RXFP1: variants seen among roughly 807,000 people sequenced by gnomAD.
RXFP1 encodes the protein relaxin receptor 1.
Under a neutral mutation model 89.8 loss-of-function variants are expected in RXFP1, and 73 were observed. The observed-to-expected ratio is 0.81, with a 90% CI of 0.67 to 0.99. RXFP1 has a LOEUF of 0.99. Among genes scored for constraint, RXFP1 ranks in the 50% least tolerant of loss-of-function variants. The pLI, the probability that RXFP1 is intolerant of heterozygous loss-of-function variation, is 0.00. For missense variants in RXFP1, 793 were observed against 895.5 expected (o/e 0.89, Z 1.46); for synonymous variants, 277 against 305.5 (o/e 0.91, Z 0.97).
intron 1 of RXFP1, among the ~76,000 whole-genome samples, chr4:158,530,199 T>G (rs1743683083): frequency 6.6e-6 from 1 of 152,232 alleles, no homozygotes; most frequent in Admixed American, 6.5e-5. Context: ...TATGCGTGTG[T>G]GCCTGGACCT....
At chr4:158,563,311 G>A (rs567979141) in intron 1 of RXFP1, among the ~76,000 whole-genome samples, 61 of 152,206 alleles carry the variant, frequency 4.0e-4, no homozygotes, top group Non-Finnish European at 6.2e-4. Context: ...TTCTGAGTGG[G>A]TCCCCACACC....
chr4:158,580,509 C>T (rs924227190), intron 2 of RXFP1, among the ~76,000 whole-genome samples: 9 of 152,120 alleles, frequency 5.9e-5, no homozygotes, highest in Admixed American at 1.3e-4. Flanking sequence ...CAGAAAGTTG[C>T]GGCAACAAAC....
At chr4:158,551,402 TA>T (rs1390522639) in intron 1 of RXFP1, among the ~76,000 whole-genome samples, 1 of 152,118 alleles carries the variant, frequency 6.6e-6, no homozygotes, top group East Asian at 1.9e-4. Context: ...AAATAAGAAT[TA>T]AAAAATCAGT....
rs774326933 is a variant in RXFP1, at chr4:158,646,468, C to T, written c.1346-323C>T. ...CCTAACTGAATGCTCTACGTGATTG[C>T]ATTTTGTTCATTTATTCGACACTTC... is the stretch of plus-strand genomic sequence containing the variant. On this transcript the variant is annotated intron_variant, in intron 15 of 17. Transcript: ENST00000307765. 15 of 1,233,986 alleles carry T rather than the reference C, an allele frequency of 1.2e-5. No individual in the cohort carries two copies. In the Admixed American group the frequency reaches 3.0e-4, roughly 25 times the overall value. The allele number at this position is 1,233,986 out of a possible 1,614,324, so 76.4% of individuals were successfully genotyped here.
intron 1 of RXFP1, among the ~76,000 whole-genome samples, chr4:158,550,720 T>A (rs1401414634): frequency 1.3e-5 from 2 of 152,128 alleles, no homozygotes; most frequent in Middle Eastern, 3.2e-3. Flanking sequence ...CATAAGCTAG[T>A]CTATATGGGG....
intron 1 of RXFP1, among the ~76,000 whole-genome samples, chr4:158,541,043 T>C (rs1358232212): frequency 1.3e-5 from 2 of 152,154 alleles, no homozygotes; most frequent in Non-Finnish European, 2.9e-5. Flanking sequence ...TTTTCTGTAG[T>C]CTGTAGACAG....
rs182394102 is a variant in RXFP1 at position 158,571,563 on chromosome 4, G to A, written c.50-1135G>A. ...TGTAATCTCAGCTACTCAGGAGGCTGAGGCAGAAGAATCACTTGAACCTGG... is the reference window on the plus strand; with the variant it reads ...TGTAATCTCAGCTACTCAGGAGGCTAAGGCAGAAGAATCACTTGAACCTGG... On this transcript the variant is annotated intron_variant, in intron 1 of 17. Coordinates refer to ENST00000307765, the MANE Select transcript of RXFP1 (RefSeq NM_021634.4). 2.6e-5 allele frequency among the ~76,000 whole-genome samples: 4 copies of A among 152,278 alleles called. No homozygotes were observed. The East Asian group carries it at 7.7e-4, about 29-fold the overall frequency.
chr4:158,542,079 C>CTATATATATATATA (rs1553993932), intron 1 of RXFP1, among the ~76,000 whole-genome samples: 3 of 29,808 alleles, frequency 1.0e-4, no homozygotes, highest in Admixed American at 6.7e-4. Context: ...GCCACCATGG[C>CTATATATATATATA]TATATATATA....
At chr4:158,626,021 A>T (rs1411772062) in intron 9 of RXFP1, among the ~76,000 whole-genome samples, 1 of 152,064 alleles carries the variant, frequency 6.6e-6, no homozygotes. Flanking sequence ...AAATTTTGAT[A>T]CATTTTTATG....
Position 158,626,811 on chromosome 4 carries a change from A to G in RXFP1, c.756-9A>G, listed in dbSNP as rs753031365. 3 of 1,518,942 alleles carry G rather than the reference A, an allele frequency of 2.0e-6. No homozygotes were observed. The highest frequency in any genetic ancestry group is 1.2e-5 in the South Asian group (1 of 81,930). The allele number at this position is 1,518,942 out of a possible 1,614,324, so 94.1% of individuals were successfully genotyped here. ...GATTTAGCTGTATCGTTTTATTTTT[A>G]TGTTCCAGGGACCTTGAAGGCAACC... On this transcript the variant is annotated splice_polypyrimidine_tract_variant and intron_variant, in intron 9 of 17. Coordinates refer to ENST00000307765, the MANE Select transcript of RXFP1 (RefSeq NM_021634.4).
At chr4:158,589,919 G>GT (rs1347726118) in intron 2 of RXFP1, among the ~76,000 whole-genome samples, 3 of 152,118 alleles carry the variant, frequency 2.0e-5, no homozygotes, top group Non-Finnish European at 2.9e-5. Flanking sequence ...GGGCATAGTG[G>GT]TATGCATCTA....
At chr4:158,599,265 A>C in intron 3 of RXFP1, 61 bp from the exon 4 acceptor site, 2 of 1,609,168 alleles carry the variant, frequency 1.2e-6, no homozygotes, top group Non-Finnish European at 8.5e-7. Context: ...CTTTCTTTTC[A>C]TTACCCTCCT....
At chr4:158,529,859 C>G (rs1743588085) in intron 1 of RXFP1, among the ~76,000 whole-genome samples, 1 of 152,226 alleles carries the variant, frequency 6.6e-6, no homozygotes, top group Admixed American at 6.5e-5. Flanking sequence ...CTGATTTCTA[C>G]TCATTTCATT....
intron 14 of RXFP1, 89 bp downstream of exon 14, chr4:158,639,420 C>A: frequency 2.6e-6 from 2 of 770,230 alleles, no homozygotes; most frequent in Non-Finnish European, 4.4e-6. Context: ...TTAATATTTT[C>A]TACTAATTTG....
intron 9 of RXFP1, among the ~76,000 whole-genome samples, chr4:158,623,843 T>C (rs1397256102): frequency 6.6e-6 from 1 of 152,140 alleles, no homozygotes; most frequent in Admixed American, 6.5e-5. Context: ...AACAAAAAAC[T>C]GAATATGATG....
intron 1 of RXFP1, among the ~76,000 whole-genome samples, chr4:158,564,931 C>CAA (rs1753240760): frequency 6.6e-6 from 1 of 152,206 alleles, no homozygotes; most frequent in South Asian, 2.1e-4. Context: ...TGCCTTTCTA[C>CAA]TTCTGTTCCT....
At chr4:158,576,019 G>T (rs1291202882) in intron 2 of RXFP1, among the ~76,000 whole-genome samples, 1 of 152,148 alleles carries the variant, frequency 6.6e-6, no homozygotes, top group East Asian at 1.9e-4. Flanking sequence ...TGATGCCTGG[G>T]ACCTTGTCTG....
chr4:158,645,724 T>C (rs892941287), intron 15 of RXFP1, among the ~76,000 whole-genome samples: 5 of 152,186 alleles, frequency 3.3e-5, no homozygotes, highest in African/African-American at 1.2e-4. Context: ...TCAGGATGTT[T>C]GTAGTCTAGG....
At chr4:158,597,702 CTG>C (rs2150083253) in intron 3 of RXFP1, among the ~76,000 whole-genome samples, 1 of 152,160 alleles carries the variant, frequency 6.6e-6, no homozygotes, top group African/African-American at 2.4e-5. Context: ...AATTTAGTCT[CTG>C]TATATGAAAA....
Sources: allele counts gnomAD v4.1 joint callset (sites outside exome capture counted in the v4.1 genomes callset), GRCh38; gene constraint gnomAD v4.1.1; transcripts MANE v1.5; gene names NCBI Gene and HGNC (gene_info 2026-07-23, HGNC 2026-07-21).